Variants in WDR54 observed in about 807,000 individuals in gnomAD.
WDR54 encodes the protein WD repeat domain 54.
A neutral mutation model predicts 44.1 loss-of-function variants in WDR54; 44 were observed. That is an observed-to-expected ratio of 1.00 (90% CI 0.78 to 1.28). WDR54 has a LOEUF of 1.28. Among genes scored for constraint, WDR54 ranks in the 50% most tolerant of loss-of-function variants. WDR54 has a pLI of 0.00. For missense variants in WDR54, 409 were observed against 429.7 expected (o/e 0.95, Z 0.43); for synonymous variants, 169 against 169.8 (o/e 1.00, Z 0.04).
At position 74,424,875 on chromosome 2, in the gene WDR54, G is replaced by A. The variant is rs767284307; in HGVS notation, c.535G>A (p.Asp179Asn). 1.9e-6 allele frequency: 3 copies of A among 1,614,176 alleles called. No individual in the cohort carries two copies. Among genetic ancestry groups the A allele is most frequent in the Admixed American group, 1.7e-5 (1 of 60,030 alleles). The change falls in exon 7 of 10, where the codon GAT (aspartate) becomes AAT (asparagine). Residue 179 changes from aspartate (D) to asparagine (N), a missense_variant and splice_region_variant. Coordinates refer to ENST00000348227, the MANE Select transcript of WDR54 (RefSeq NM_032118.4). ...DIATEPAQGQDCVADMVTADD... is the reference protein window; with the variant it reads ...DIATEPAQGQNCVADMVTADD... The stretch of plus-strand genomic sequence containing the variant: ...GGGTTGATCTTGCCTTTCCCTTCAG[G>A]ATTGTGTGGCTGACATGGTGACGGC...
At chr2:74,422,516 C>A in intron 2 of WDR54, 141 bp downstream of exon 2, 1 of 1,083,914 alleles carries the variant, frequency 9.2e-7, no homozygotes, top group Non-Finnish European at 1.3e-6. Flanking sequence ...CCTCTCCTGC[C>A]GGGCGCGGTG....
intron 2 of WDR54, 86 bp downstream of exon 2, chr2:74,422,461 C>A: frequency 1.4e-6 from 2 of 1,423,314 alleles, no homozygotes; most frequent in South Asian, 1.4e-5. Context: ...CAGGCATGTC[C>A]TAACCTCAGA....
chr2:74,425,120 A>C lies in WDR54; in HGVS notation c.681A>C (p.Ala227=). 1.3e-6 allele frequency: 2 copies of C among 1,579,086 alleles called. No individual in the cohort carries two copies. The highest frequency in any genetic ancestry group is 1.2e-5 in the South Asian group (1 of 85,128). ...AGCTGTGGCAGGGGATCATAGCAGC[A>C]GGCTATGGGAACGGACAAGTGCATC... ...SVQLWQGIIA[A]GYGNGQVHLY... The change falls in exon 8 of 10, where the codon GCA becomes GCC. Residue 227 remains alanine, a synonymous_variant. Transcript: ENST00000348227.
intron 3 of WDR54, 179 bp downstream of exon 3, chr2:74,423,111 C>A: frequency 1.2e-6 from 1 of 816,034 alleles, no homozygotes; most frequent in Non-Finnish European, 2.0e-6. Context: ...AGTGCCACCT[C>A]CAGTATCTGC....
intron 2 of WDR54, chr2:74,422,590 G>A (rs1214422885): frequency 3.1e-6 from 2 of 637,724 alleles, no homozygotes; most frequent in Non-Finnish European, 5.4e-6. Context: ...AGGAGTTCGA[G>A]ACCAGCCTGG....
At chr2:74,422,123 G>T (rs1200894411) in intron 1 of WDR54, 30 bp from the exon 2 acceptor site, 3 of 1,602,086 alleles carry the variant, frequency 1.9e-6, no homozygotes, top group Non-Finnish European at 2.6e-6. Flanking sequence ...TTTGTAGCGC[G>T]CCTGGTGATT....
intron 6 of WDR54, 143 bp downstream of exon 6, chr2:74,424,125 A>G (rs1670250051): frequency 2.1e-6 from 2 of 953,966 alleles, no homozygotes; most frequent in Non-Finnish European, 3.1e-6. Context: ...AACCAGGTTC[A>G]GTGATAAAGC....
At chr2:74,423,646 G>A (rs530427652) in intron 5 of WDR54, 115 bp downstream of exon 5, 2 of 1,484,686 alleles carry the variant, frequency 1.3e-6, no homozygotes, top group African/African-American at 2.8e-5. Context: ...TGGAAGTGGA[G>A]TGGAATCAGA....
rs1676629110 is a variant in WDR54 at position 74,421,768 on chromosome 2, G to A, written c.-50G>A. 4.5e-6 allele frequency: 3 copies of A among 661,084 alleles called. No individual in the cohort carries two copies. The East Asian group carries it at 8.8e-5, about 19-fold the overall frequency. 41.0% of individuals were successfully genotyped at this position (661,084 alleles called of 1,614,324 possible). On this transcript the variant is annotated 5_prime_UTR_variant, in exon 1 of 10. Coordinates refer to ENST00000348227, the MANE Select transcript of WDR54 (RefSeq NM_032118.4). ...TCGTCTCTATGGTGGCGGCGGATTT[G>A]GAGGGACCCTACGAACCAGGAGTCA...
At chr2:74,423,579 C>A in intron 5 of WDR54, 48 bp downstream of exon 5, 1 of 1,602,570 alleles carries the variant, frequency 6.2e-7, no homozygotes, top group Non-Finnish European at 8.5e-7. Flanking sequence ...GGCATGTGGG[C>A]TGTGGCCAGG....
chr2:74,422,074 C>A, intron 1 of WDR54, 79 bp from the exon 2 acceptor site: 2 of 1,461,576 alleles, frequency 1.4e-6, no homozygotes, highest in Admixed American at 3.5e-5. Context: ...TTCCGAAATG[C>A]TCGATGATAG....
intron 2 of WDR54, chr2:74,422,660 G>A (rs1419377585): frequency 4.9e-6 from 3 of 612,790 alleles, no homozygotes; most frequent in South Asian, 2.0e-5. Context: ...GGGTGTGGTG[G>A]CGTGCACCTG....
intron 6 of WDR54, among the ~76,000 whole-genome samples, 195 bp from the exon 7 acceptor site, chr2:74,424,680 G>A (rs1418286120): frequency 6.6e-6 from 1 of 152,208 alleles, no homozygotes. Flanking sequence ...GAAATTCAAG[G>A]AAAGCAGTTC....
At position 74,425,508 on chromosome 2, in the gene WDR54, G is replaced by C; in HGVS notation, c.873+17G>C. On this transcript the variant is annotated intron_variant, in intron 9 of 9. Transcript: ENST00000348227. The stretch of plus-strand genomic sequence containing the variant: ...TACATTGAGGTATGTGTCATGGGGT[G>C]GGTGGAATGGGGGGGCCCAAGCATG... The C allele has an allele frequency of 6.2e-7, 1 of 1,614,212 alleles. No individual in the cohort carries two copies. The highest frequency in any genetic ancestry group is 8.5e-7 in the Non-Finnish European group (1 of 1,180,034).
At chr2:74,422,097 A>T in intron 1 of WDR54, 56 bp from the exon 2 acceptor site, 1 of 1,564,852 alleles carries the variant, frequency 6.4e-7, no homozygotes, top group Non-Finnish European at 8.8e-7. Context: ...GCCCTCGGGC[A>T]TCTCCGCTGC....
chr2:74,424,902 G>A lies in WDR54; in HGVS notation c.562G>A (p.Asp188Asn). ...TTGTGTGGCTGACATGGTGACGGCAGATGACTCAGGCTTGCTGTGTGTCTG... is the reference window on the plus strand; with the variant it reads ...TTGTGTGGCTGACATGGTGACGGCAAATGACTCAGGCTTGCTGTGTGTCTG... ...QDCVADMVTA[D>N]DSGLLCVWRS... Residue 188 changes from aspartate (D) to asparagine (N), a missense_variant, in exon 7 of 10, where the codon GAT becomes AAT. Physicochemically the swap from Asp to Asn is conservative, Grantham distance 23. Transcript: ENST00000348227. The A allele has an allele frequency of 6.2e-7, 1 of 1,614,220 alleles. No homozygotes were observed. Among genetic ancestry groups the A allele is most frequent in the Admixed American group, 1.7e-5 (1 of 60,032 alleles).
At position 74,425,177 on chromosome 2, in the gene WDR54, C is replaced by T. The variant is rs764667476; in HGVS notation, c.738C>T (p.Val246=). 1.4e-5 allele frequency: 22 copies of T among 1,545,494 alleles called. No homozygotes were observed. The highest frequency in any genetic ancestry group is 1.8e-5 in the Non-Finnish European group (21 of 1,143,036). Residue 246 remains valine (V), a synonymous_variant, in exon 8 of 10, where the codon GTC becomes GTT. Coordinates refer to ENST00000348227, the MANE Select transcript of WDR54 (RefSeq NM_032118.4). ...AGGCCACTACAGGAAATCTACATGTCCAGATCAATGCCCATGCCCGGGCCA... is the reference window on the plus strand; with the variant it reads ...AGGCCACTACAGGAAATCTACATGTTCAGATCAATGCCCATGCCCGGGCCA... The part of the protein sequence containing the change: ...LYEATTGNLH[V]QINAHARAIC...
rs776871547 is a variant in WDR54, at chr2:74,422,248, C to T, written c.95C>T (p.Thr32Met). 1.9e-6 allele frequency: 3 copies of T among 1,614,070 alleles called. No homozygotes were observed. In the Admixed American group the frequency reaches 5.0e-5, roughly 27 times the overall value. The stretch of plus-strand genomic sequence containing the variant: ...CTGCAGCTGCCGGCTCGCAACCTCA[C>T]GTATTTTGGCGTGGTTCATGGACCA... ...SVLQLPARNL[T>M]YFGVVHGPSA... Residue 32 changes from threonine (T) to methionine (M), a missense_variant, in exon 2 of 10, where the codon ACG (threonine) becomes ATG (methionine). By Grantham distance (81) the Thr-to-Met change is moderately conservative (BLOSUM62 -1). Transcript: ENST00000348227.
In WDR54 at chr2:74,424,877, T is replaced by A. The variant is rs750034224; in HGVS notation, c.537T>A (p.Asp179Glu). The change falls in exon 7 of 10, where the codon GAT becomes GAA. Residue 179 changes from aspartate (D) to glutamate (E), a missense_variant and splice_region_variant. Asp to Glu is a conservative substitution (Grantham distance 45). Transcript: ENST00000348227. ...DIATEPAQGQ[D>E]CVADMVTADD... ...GTTGATCTTGCCTTTCCCTTCAGGA[T>A]TGTGTGGCTGACATGGTGACGGCAG... is the stretch of plus-strand genomic sequence containing the variant. 19 of 1,613,972 alleles carry A rather than the reference T, an allele frequency of 1.2e-5. 1 individual carries two copies. The South Asian group carries it at 2.0e-4, about 17-fold the overall frequency.
Sources: gnomAD v4.1 joint callset for allele counts (sites outside exome capture counted in the v4.1 genomes callset) on GRCh38, gnomAD v4.1.1 for gene constraint, MANE v1.5 for transcripts, NCBI Gene and HGNC (gene_info 2026-07-23, HGNC 2026-07-21) for gene names.